Variants in NRXN1 observed in about 807,000 individuals in gnomAD.
NRXN1 encodes neurexin-1.
Under a neutral mutation model 150.9 loss-of-function variants are expected in NRXN1, and 39 were observed. The observed-to-expected ratio is 0.26, with a 90% CI of 0.20 to 0.34. NRXN1 has a LOEUF of 0.34. Among genes scored for constraint, NRXN1 ranks in the 10% least tolerant of loss-of-function variants. The pLI is 1.00. For missense variants in NRXN1, 1,815 were observed against 1,949.9 expected (o/e 0.93, Z 1.30); for synonymous variants, 924 against 757.0 (o/e 1.22, Z -3.62).
chr2:51,000,986 G>C (rs905271999), intron 2 of NRXN1, among the ~76,000 whole-genome samples: 2 of 151,892 alleles, frequency 1.3e-5, no homozygotes, highest in Non-Finnish European at 2.9e-5. Context: ...AGGGCATAAA[G>C]CGCTGGAGTT....
chr2:50,451,079 A>C (rs2086912650), intron 17 of NRXN1, among the ~76,000 whole-genome samples: 1 of 151,948 alleles, frequency 6.6e-6, no homozygotes, highest in African/African-American at 2.4e-5. Flanking sequence ...GGATCCTTCT[A>C]CTTCAGCCTC....
chr2:50,331,010 G>A (rs1476422252), intron 17 of NRXN1, among the ~76,000 whole-genome samples: 1 of 152,010 alleles, frequency 6.6e-6, no homozygotes, highest in Non-Finnish European at 1.5e-5. Context: ...TCCATACAAA[G>A]TCAAAAAGAA....
chr2:50,239,640 C>T (rs932460994), intron 17 of NRXN1, among the ~76,000 whole-genome samples: 1 of 104,376 alleles, frequency 9.6e-6, no homozygotes, highest in East Asian at 3.1e-4. Context: ...GGTATAAAAC[C>T]CATATCCTGA....
In NRXN1 at chr2:51,011,612, C is replaced by T. The variant is rs569089093; in HGVS notation, c.772+15890G>A. ...AGAGAGAGTAACACTAGAAAGAACC[C>T]CAAGACATGTGAACACAATTATTAT... is the stretch of plus-strand genomic sequence containing the variant. On this transcript the variant is annotated intron_variant, in intron 2 of 22. Transcript: ENST00000401669. Among the ~76,000 whole-genome samples the T allele has an allele frequency of 5.3e-5, 8 of 151,912 alleles. No homozygotes were observed. The South Asian group carries it at 1.7e-3, about 32-fold the overall frequency.
At chr2:50,989,576 C>A (rs1698236241) in intron 2 of NRXN1, among the ~76,000 whole-genome samples, 1 of 151,902 alleles carries the variant, frequency 6.6e-6, no homozygotes, top group Non-Finnish European at 1.5e-5. Context: ...GAGTTGGTTT[C>A]TTGCCCTTAG....
At chr2:50,633,540 ATGC>A (rs1194439295) in intron 5 of NRXN1, among the ~76,000 whole-genome samples, 1 of 151,782 alleles carries the variant, frequency 6.6e-6, no homozygotes, top group Non-Finnish European at 1.5e-5. Flanking sequence ...TTCAGATGGA[ATGC>A]TACTTTGTTA....
At chr2:50,552,262 T>C (rs1034239349) in intron 9 of NRXN1, among the ~76,000 whole-genome samples, 6 of 152,124 alleles carry the variant, frequency 3.9e-5, no homozygotes, top group Admixed American at 3.3e-4. Flanking sequence ...AAGAGAAAAC[T>C]GGGAATAGAA....
intron 19 of NRXN1, among the ~76,000 whole-genome samples, chr2:50,090,560 T>C (rs1699421564): frequency 6.6e-6 from 1 of 152,138 alleles, no homozygotes; most frequent in Non-Finnish European, 1.5e-5. Context: ...GCATATTTGT[T>C]TTAAAATTGA....
At chr2:50,135,946 T>C (rs1357530628) in intron 18 of NRXN1, among the ~76,000 whole-genome samples, 2 of 152,218 alleles carry the variant, frequency 1.3e-5, no homozygotes, top group African/African-American at 4.8e-5. Flanking sequence ...TGTCTCATTT[T>C]CATGTAGATG....
At position 50,497,642 on chromosome 2, in the gene NRXN1, T is replaced by C. The variant is rs796052778; in HGVS notation, c.2570A>G (p.Tyr857Cys). 1 of 1,613,934 alleles carries C rather than the reference T, an allele frequency of 6.2e-7. No individual in the cohort carries two copies. Among genetic ancestry groups the C allele is most frequent in the Non-Finnish European group, 8.5e-7 (1 of 1,179,816 alleles). ...IETGIITERR[Y>C]LSSVPSNFIG... Reference sequence around the variant, plus strand: ...GAAGTTGGAGGGGACAGAAGAAAGATACCGTCGTTCTGTGATGATGCCAGT... The same window carrying C: ...GAAGTTGGAGGGGACAGAAGAAAGACACCGTCGTTCTGTGATGATGCCAGT... The change falls in exon 14 of 23, where the codon TAT becomes TGT. Residue 857 changes from tyrosine to cysteine, a missense_variant. By Grantham distance (194) the Tyr-to-Cys change is radical (BLOSUM62 -2). Transcript: ENST00000401669.
chr2:50,047,113 T>C (rs1218583099), intron 21 of NRXN1, among the ~76,000 whole-genome samples: 1 of 151,814 alleles, frequency 6.6e-6, no homozygotes, highest in African/African-American at 2.4e-5. Context: ...ACAATGGAGG[T>C]GGTTAAGACT....
At chr2:51,013,294 G>C (rs1668174760) in intron 2 of NRXN1, among the ~76,000 whole-genome samples, 1 of 152,028 alleles carries the variant, frequency 6.6e-6, no homozygotes, top group African/African-American at 2.4e-5. Context: ...TGGGTGGAGA[G>C]CCTGCCCAGA....
intron 5 of NRXN1, among the ~76,000 whole-genome samples, chr2:50,625,169 T>G (rs1680782152): frequency 6.6e-6 from 1 of 151,990 alleles, no homozygotes; most frequent in Non-Finnish European, 1.5e-5. Context: ...CTATTTTCAT[T>G]TGATTGTCAA....
At chr2:50,676,378 G>T (rs1056126350) in intron 5 of NRXN1, among the ~76,000 whole-genome samples, 3 of 152,050 alleles carry the variant, frequency 2.0e-5, no homozygotes, top group African/African-American at 7.2e-5. Context: ...CACAAGTCCC[G>T]AAGAAGAAGG....
chr2:50,714,527 G>C (rs901794640), intron 5 of NRXN1, among the ~76,000 whole-genome samples: 2 of 152,090 alleles, frequency 1.3e-5, no homozygotes, highest in African/African-American at 2.4e-5. Context: ...CCCAAGGTAA[G>C]TGTCACAGTA....
chr2:50,616,867 G>A (rs1379968409), intron 8 of NRXN1, among the ~76,000 whole-genome samples: 1 of 152,130 alleles, frequency 6.6e-6, no homozygotes, highest in African/African-American at 2.4e-5. Flanking sequence ...TCATAATTAA[G>A]GGTTTACACA....
intron 12 of NRXN1, among the ~76,000 whole-genome samples, chr2:50,524,012 A>C (rs1462564644): frequency 6.6e-6 from 1 of 152,236 alleles, no homozygotes; most frequent in East Asian, 1.9e-4. Context: ...ATAACGGAAG[A>C]AACAATACTG....
intron 15 of NRXN1, among the ~76,000 whole-genome samples, chr2:50,491,907 G>A (rs2091276802): frequency 6.6e-6 from 1 of 152,082 alleles, no homozygotes; most frequent in African/African-American, 2.4e-5. Flanking sequence ...CCCTCAACTA[G>A]ATTAATAAAT....
intron 5 of NRXN1, among the ~76,000 whole-genome samples, chr2:50,830,925 T>C (rs961345348): frequency 2.6e-5 from 4 of 151,956 alleles, no homozygotes; most frequent in Non-Finnish European, 5.9e-5. Flanking sequence ...AGCAGCGCTA[T>C]TTATTTGTAT....
Sources: gnomAD v4.1 joint callset for allele counts (sites outside exome capture counted in the v4.1 genomes callset) on GRCh38, gnomAD v4.1.1 for gene constraint, MANE v1.5 for transcripts, NCBI Gene and HGNC (gene_info 2026-07-23, HGNC 2026-07-21) for gene names.